The following CACUL1 variants were observed in gnomAD, a reference collection of about 807,000 sequenced individuals.
CACUL1 encodes the protein CDK2 associated cullin domain 1, also known as CDK2-associated and cullin domain-containing protein 1.
In CACUL1, 13 loss-of-function variants were observed where a neutral mutation model predicts 45.2. That is an observed-to-expected ratio of 0.29 (90% confidence interval 0.19 to 0.46). CACUL1 has a LOEUF of 0.46. Ranked by LOEUF, CACUL1 falls within the 20% of genes least tolerant of loss-of-function variation. The pLI is 1.00. For synonymous variants in CACUL1, 197 were observed against 174.2 expected (o/e 1.13, Z -1.03); for missense variants, 421 against 471.4 (o/e 0.89, Z 0.99).
At chr10:118,709,185 C>T (rs577833442) in intron 3 of CACUL1, among the ~76,000 whole-genome samples, 1 of 152,222 alleles carries the variant, frequency 6.6e-6, no homozygotes, top group African/African-American at 2.4e-5. Flanking sequence ...AGTATATCAT[C>T]ATAAAGATTT....
intron 1 of CACUL1, among the ~76,000 whole-genome samples, chr10:118,743,048 C>T (rs1029032708): frequency 6.6e-6 from 1 of 152,292 alleles, no homozygotes; most frequent in South Asian, 2.1e-4. Context: ...GAAACCTGGA[C>T]TGTCAGCCTG....
chr10:118,717,960 A>G (rs1366611357), intron 3 of CACUL1, among the ~76,000 whole-genome samples: 4 of 152,166 alleles, frequency 2.6e-5, no homozygotes, highest in Non-Finnish European at 5.9e-5. Flanking sequence ...ATGACAAAAA[A>G]AGGTGGTGAT....
rs1845108388 is a variant in CACUL1, at chr10:118,677,378, C to G, written c.*8750G>C. The G allele has an allele frequency of 6.6e-6, 1 of 152,070 alleles. No individual in the cohort carries two copies. The highest frequency in any genetic ancestry group is 1.5e-5 in the Non-Finnish European group (1 of 68,032). The allele number at this position is 152,070 out of a possible 1,614,324, so 9.4% of individuals were successfully genotyped here. ...AAATACTGTTGGTTATCTGAATTGG[C>G]TTTACACTGAATATACATTAACTCA... On this transcript the variant is annotated 3_prime_UTR_variant, in exon 9 of 9. Coordinates refer to ENST00000369151, the MANE Select transcript of CACUL1 (RefSeq NM_153810.5).
intron 3 of CACUL1, among the ~76,000 whole-genome samples, chr10:118,710,498 A>T (rs1020441573): frequency 4.6e-5 from 7 of 152,208 alleles, no homozygotes; most frequent in Admixed American, 3.9e-4. Context: ...GACAATGGGA[A>T]TACTAGCACT....
At position 118,681,971 on chromosome 10, in the gene CACUL1, A is replaced by C. The variant is rs1374813420; in HGVS notation, c.*4157T>G. The C allele has an allele frequency of 4.6e-5, 7 of 152,242 alleles. No individual in the cohort carries two copies. Among genetic ancestry groups the C allele is most frequent in the Non-Finnish European group, 7.3e-5 (5 of 68,044 alleles). The allele number at this position is 152,242 out of a possible 1,614,324, so 9.4% of individuals were successfully genotyped here. On this transcript the variant is annotated 3_prime_UTR_variant, in exon 9 of 9. Transcript: ENST00000369151. ...AAAGAAACAGGAGAGCCATTTCTCC[A>C]GGAACTCCTATGACCTCCATTTTAA...
At chr10:118,719,329 C>T (rs1306882459) in intron 3 of CACUL1, among the ~76,000 whole-genome samples, 1 of 152,146 alleles carries the variant, frequency 6.6e-6, no homozygotes, top group Non-Finnish European at 1.5e-5. Flanking sequence ...TCAAATTGGT[C>T]ATTTCTTTTT....
At chr10:118,738,229 T>C (rs1445752985) in intron 1 of CACUL1, among the ~76,000 whole-genome samples, 1 of 151,914 alleles carries the variant, frequency 6.6e-6, no homozygotes, top group African/African-American at 2.4e-5. Flanking sequence ...GAAGATGCAA[T>C]AGAAAAGTCT....
intron 4 of CACUL1, among the ~76,000 whole-genome samples, chr10:118,703,832 T>C (rs1314987710): frequency 1.3e-5 from 2 of 151,422 alleles, no homozygotes; most frequent in African/African-American, 4.8e-5. Flanking sequence ...GTTTATAATC[T>C]TTTTTTTCTA....
intron 1 of CACUL1, among the ~76,000 whole-genome samples, chr10:118,737,542 C>T (rs371252371): frequency 1.4e-4 from 21 of 152,266 alleles, no homozygotes; most frequent in African/African-American, 4.6e-4. Flanking sequence ...CTTTGCCTTG[C>T]TTCAAATGAA....
At chr10:118,688,725 C>T (rs1845232228) in intron 7 of CACUL1, among the ~76,000 whole-genome samples, 2 of 152,156 alleles carry the variant, frequency 1.3e-5, no homozygotes, top group South Asian at 4.1e-4. Context: ...CAAACTTCCA[C>T]CCCTCGCCAA....
chr10:118,703,945 T>C (rs1445501737), intron 4 of CACUL1, among the ~76,000 whole-genome samples: 2 of 151,826 alleles, frequency 1.3e-5, no homozygotes, highest in Non-Finnish European at 2.9e-5. Context: ...AACTTTTGTC[T>C]TATATTTTCC....
intron 4 of CACUL1, among the ~76,000 whole-genome samples, chr10:118,703,541 C>T (rs1845405035): frequency 6.6e-6 from 1 of 152,148 alleles, no homozygotes; most frequent in Non-Finnish European, 1.5e-5. Context: ...TTCTTATATA[C>T]ATATTTGTAT....
intron 4 of CACUL1, among the ~76,000 whole-genome samples, chr10:118,707,239 C>T (rs1052409990): frequency 7.2e-5 from 11 of 152,186 alleles, no homozygotes; most frequent in African/African-American, 2.7e-4. Context: ...AATAAGTACT[C>T]ATGTGGGTGA....
At chr10:118,720,227 G>A (rs1478539576) in intron 3 of CACUL1, among the ~76,000 whole-genome samples, 1 of 152,226 alleles carries the variant, frequency 6.6e-6, no homozygotes, top group South Asian at 2.1e-4. Context: ...TTATCTACAT[G>A]AAATAATCTG....
intron 1 of CACUL1, among the ~76,000 whole-genome samples, chr10:118,745,357 T>C (rs1845831384): frequency 2.7e-5 from 4 of 149,610 alleles, no homozygotes; most frequent in African/African-American, 9.9e-5. Flanking sequence ...AGGTCAGGAG[T>C]TCAAGACCAG....
rs549781281 is a variant in CACUL1 at position 118,718,764 on chromosome 10, G to A, written c.597+10531C>T. ...AATTTTTTGTATTTTTAGTAGAGAC[G>A]GGTTTTCACCGTGTTAGCCAGGATG... On this transcript the variant is annotated intron_variant, in intron 3 of 8. Coordinates refer to ENST00000369151, the MANE Select transcript of CACUL1 (RefSeq NM_153810.5). 3.1e-3 allele frequency among the ~76,000 whole-genome samples: 467 copies of A among 151,802 alleles called. 1 individual carries two copies. Among genetic ancestry groups the A allele is most frequent in the African/African-American group, 0.01 (429 of 41,392 alleles).
intron 6 of CACUL1, among the ~76,000 whole-genome samples, chr10:118,691,798 C>T (rs564039382): frequency 7.5e-6 from 1 of 133,758 alleles, no homozygotes; most frequent in Non-Finnish European, 1.5e-5. Flanking sequence ...ACCTGGGAGG[C>T]GGAGCTTGCA....
At chr10:118,726,280 A>T (rs1330921192) in intron 3 of CACUL1, 1 of 1,268,898 alleles carries the variant, frequency 7.9e-7, no homozygotes, top group East Asian at 5.6e-5. Flanking sequence ...ATGCTTACAA[A>T]TCTAGAGAGC....
intron 1 of CACUL1, among the ~76,000 whole-genome samples, chr10:118,750,194 T>TG (rs1845883411): frequency 6.6e-6 from 1 of 151,988 alleles, no homozygotes; most frequent in African/African-American, 2.4e-5. Context: ...GGCATGGTGG[T>TG]GCACACCTGT....
Sources: gnomAD v4.1 joint callset for allele counts (sites outside exome capture counted in the v4.1 genomes callset) on GRCh38, gnomAD v4.1.1 for gene constraint, MANE v1.5 for transcripts, NCBI Gene and HGNC (gene_info 2026-07-23, HGNC 2026-07-21) for gene names.